The following DPH7 variants were observed in gnomAD, a reference collection of about 807,000 sequenced individuals.
The protein encoded by DPH7 is diphthine methyltransferase.
DPH7 carries 44 observed loss-of-function variants against 41.7 expected under a neutral mutation model. The observed-to-expected ratio is 1.05, with a 90% CI of 0.83 to 1.36. The LOEUF is 1.36. Ranked by LOEUF, DPH7 falls within the 40% of genes most tolerant of loss-of-function variation. DPH7 has a pLI of 0.00. For missense variants in DPH7, 629 were observed against 577.5 expected (o/e 1.09, Z -0.91); for synonymous variants, 275 against 238.0 (o/e 1.16, Z -1.43).
chr9:137,562,085 C>T (rs56396341), intron 8 of DPH7, among the ~76,000 whole-genome samples: 8,803 of 152,180 alleles, frequency 0.058, 373 homozygotes, highest in Non-Finnish European at 0.08. Flanking sequence ...AGGATGGTCT[C>T]GATCTCCTGA....
intron 8 of DPH7, among the ~76,000 whole-genome samples, chr9:137,558,060 CG>C (rs979707430): frequency 2.8e-4 from 43 of 151,986 alleles, no homozygotes; most frequent in Middle Eastern, 6.9e-3. Flanking sequence ...TGCTTGAACC[CG>C]GAAGGTGGGA....
At position 137,576,154 on chromosome 9, in the gene DPH7, C is replaced by T. The variant is rs1460503658; in HGVS notation, c.301G>A (p.Val101Met). Residue 101 changes from valine to methionine, a missense_variant, in exon 3 of 9, where the codon GTG (valine) becomes ATG (methionine). Transcript: ENST00000277540. Reference protein sequence around the residue: ...ILDMKWCHIPVAGHALLGLAD... With the variant: ...ILDMKWCHIPMAGHALLGLAD... ...AAGCCCAAGAGGGCATGTCCAGCCA[C>T]CGGGATGTGACACCTGAGGAGAGGG... 6.2e-7 allele frequency: 1 copy of T among 1,613,814 alleles called. No homozygotes were observed. Among genetic ancestry groups the T allele is most frequent in the Admixed American group, 1.7e-5 (1 of 60,030 alleles).
At position 137,554,586 on chromosome 9, in the gene DPH7, T is replaced by C. The variant is rs553954587; in HGVS notation, c.*653A>G. Among the ~76,000 whole-genome samples the C allele has an allele frequency of 3.3e-5, 5 of 152,106 alleles. No homozygotes were observed. Among genetic ancestry groups the C allele is most frequent in the Admixed American group, 3.3e-4 (5 of 15,260 alleles). ...CCAAGTGGCTGGGACCATAGGCACA[T>C]GCACCACACCTGGCTAATTTTTGTT... On this transcript the variant is annotated 3_prime_UTR_variant, in exon 9 of 9. Transcript: ENST00000277540.
In DPH7 at chr9:137,564,455, G is replaced by C. The variant is rs757908294; in HGVS notation, c.928C>G (p.Leu310Val). 1 of 1,613,698 alleles carries C rather than the reference G, an allele frequency of 6.2e-7. No individual in the cohort carries two copies. The highest frequency in any genetic ancestry group is 2.2e-5 in the East Asian group (1 of 44,870). The change falls in exon 8 of 9, where the codon CTC (leucine) becomes GTC (valine). Residue 310 changes from leucine to valine, a missense_variant. By Grantham distance (32) the Leu-to-Val change is conservative. Coordinates refer to ENST00000277540, the MANE Select transcript of DPH7 (RefSeq NM_138778.5). ...TCACCCATTGCCTTTTGGCAGTTGA[G>C]GATCTTAAAGCCACTGTGCATGCAG... is the stretch of plus-strand genomic sequence containing the variant. Reference protein sequence around the residue: ...AACMHSGFKILNCQKAMEERQ... With the variant: ...AACMHSGFKIVNCQKAMEERQ...
Position 137,555,357 on chromosome 9 carries a change from G to A in DPH7, c.1241C>T (p.Ala414Val). 1 of 1,614,206 alleles carries A rather than the reference G, an allele frequency of 6.2e-7. No individual in the cohort carries two copies. ...RKNGTWLQATAATTRDCGVNP... is the reference protein window; with the variant it reads ...RKNGTWLQATVATTRDCGVNP... ...CACGCCACAGTCACGTGTGGTGGCT[G>A]CTGTAGCCTGCAGCCAGGTGCCATT... The change falls in exon 9 of 9, where the codon GCA becomes GTA. Residue 414 changes from alanine to valine, a missense_variant. Ala to Val is a moderately conservative substitution (Grantham distance 64). Transcript: ENST00000277540.
In DPH7 at chr9:137,578,688, C is replaced by T. The variant is rs369710922; in HGVS notation, c.90G>A (p.Leu30=). Residue 30 remains leucine (L), a synonymous_variant, in exon 1 of 9, where the codon CTG becomes CTA. Transcript: ENST00000277540. ...GCAGCTGGTAGGTCCCGCACGCCAGCAGGTGCCTGCAGCCTTGCAGCGGGC... is the reference window on the plus strand; with the variant it reads ...GCAGCTGGTAGGTCCCGCACGCCAGTAGGTGCCTGCAGCCTTGCAGCGGGC... The part of the protein sequence containing the change: ...EWCPLQGCRH[L]LACGTYQLRR... The T allele has an allele frequency of 1.2e-4, 183 of 1,529,434 alleles. No individual in the cohort carries two copies. The African/African-American group carries it at 2.2e-3, about 19-fold the overall frequency. The allele number at this position is 1,529,434 out of a possible 1,614,324, so 94.7% of individuals were successfully genotyped here. A position where few individuals can be genotyped will look rare whatever the true frequency, so the allele number is the denominator to read the frequency against.
chr9:137,561,736 C>T (rs374067694), intron 8 of DPH7, among the ~76,000 whole-genome samples: 1 of 152,150 alleles, frequency 6.6e-6, no homozygotes, highest in East Asian at 1.9e-4. Flanking sequence ...AAAGGGTCAG[C>T]ACATCTGGAA....
At position 137,574,382 on chromosome 9, in the gene DPH7, T is replaced by C. The variant is rs1283325393; in HGVS notation, c.468-2A>G. 2 of 1,612,646 alleles carry C rather than the reference T, an allele frequency of 1.2e-6. No homozygotes were observed. Among genetic ancestry groups the C allele is most frequent in the East Asian group, 2.2e-5 (1 of 44,880 alleles). ...ATCTTCAAGGGCTGGTCCCCGGCCC[T>C]AGACACAGGGAACCCATGAAGAAGC... On this transcript the variant is annotated splice_acceptor_variant, in intron 4 of 8. Coordinates refer to ENST00000277540, the MANE Select transcript of DPH7 (RefSeq NM_138778.5). LOFTEE classifies it high-confidence loss of function.
intron 2 of DPH7, chr9:137,576,473 C>T (rs1051651897): frequency 1.2e-5 from 4 of 324,388 alleles, no homozygotes; most frequent in African/African-American, 8.3e-5. Flanking sequence ...CATGGTGGCT[C>T]ACACTTGTAA....
intron 5 of DPH7, 67 bp downstream of exon 5, chr9:137,574,140 TC>T (rs1840968446): frequency 1.3e-6 from 2 of 1,507,868 alleles, no homozygotes; most frequent in East Asian, 2.3e-5. Flanking sequence ...GGCACAGGCC[TC>T]CCTCTCTCCC....
intron 8 of DPH7, among the ~76,000 whole-genome samples, 192 bp downstream of exon 8, chr9:137,564,242 G>C (rs1187537337): frequency 6.6e-6 from 1 of 152,240 alleles, no homozygotes; most frequent in African/African-American, 2.4e-5. Context: ...TGGTTAGAGA[G>C]CAGAGATTCT....
Position 137,555,593 on chromosome 9 carries a change from C to A in DPH7, c.1005G>T (p.Val335=), listed in dbSNP as rs1439939653. 1.2e-6 allele frequency: 2 copies of A among 1,613,030 alleles called. No homozygotes were observed. The highest frequency in any genetic ancestry group is 8.5e-7 in the Non-Finnish European group (1 of 1,179,444). The change falls in exon 9 of 9, where the codon GTG becomes GTT. Residue 335 remains valine (V), a synonymous_variant. Coordinates refer to ENST00000277540, the MANE Select transcript of DPH7 (RefSeq NM_138778.5). ...GCAGCCAGGACCAGTCGGCTCCATA[C>A]ACCAGCGAGTCGGGCAATGTGTGAG... ...LTSHTLPDSL[V]YGADWSWLLF... is the part of the protein sequence containing the mutation.
intron 1 of DPH7, chr9:137,578,408 C>A (rs978148384): frequency 6.5e-6 from 3 of 460,838 alleles, no homozygotes; most frequent in Non-Finnish European, 1.1e-5. Context: ...CCTCGTGATC[C>A]GTCCGCCTCG....
intron 8 of DPH7, among the ~76,000 whole-genome samples, chr9:137,558,787 C>G (rs139777139): frequency 5.9e-5 from 9 of 152,026 alleles, no homozygotes; most frequent in Non-Finnish European, 1.2e-4. Flanking sequence ...CAGGCTGGAG[C>G]GCAGTGGCGT....
In DPH7 at chr9:137,574,307, T is replaced by A; in HGVS notation, c.541A>T (p.Thr181Ser). ...GCCACTTTCTGCAGCCTGGGCCTCG[T>A]CTCATTCACCATCAGGAGGTGGAGC... Reference protein sequence around the residue: ...GQLHLLMVNETRPRLQKVASW... With the variant: ...GQLHLLMVNESRPRLQKVASW... The change falls in exon 5 of 9, where the codon ACG becomes TCG. Residue 181 changes from threonine to serine, a missense_variant. Physicochemically the swap from Thr to Ser is moderately conservative, Grantham distance 58. Transcript: ENST00000277540. 1 of 1,614,184 alleles carries A rather than the reference T, an allele frequency of 6.2e-7. No homozygotes were observed. Among genetic ancestry groups the A allele is most frequent in the African/African-American group, 1.3e-5 (1 of 75,046 alleles).
At chr9:137,563,913 AC>A (rs1305446311) in intron 8 of DPH7, among the ~76,000 whole-genome samples, 1 of 152,212 alleles carries the variant, frequency 6.6e-6, no homozygotes, top group African/African-American at 2.4e-5. Context: ...ACCTACTAGA[AC>A]ACAACGTGGA....
At position 137,555,229 on chromosome 9, in the gene DPH7, G is replaced by C. The variant is rs1226940632; in HGVS notation, c.*10C>G. On this transcript the variant is annotated 3_prime_UTR_variant, in exon 9 of 9. Coordinates refer to ENST00000277540, the MANE Select transcript of DPH7 (RefSeq NM_138778.5). ...GTTTCCTTGTGGGAAGGGGCTTCATGATTTCAAGCTCAGTTCCCCTCCCAC... is the reference window on the plus strand; with the variant it reads ...GTTTCCTTGTGGGAAGGGGCTTCATCATTTCAAGCTCAGTTCCCCTCCCAC... 1 of 1,575,596 alleles carries C rather than the reference G, an allele frequency of 6.3e-7. No individual in the cohort carries two copies. The highest frequency in any genetic ancestry group is 1.8e-5 in the Admixed American group (1 of 56,074).
At chr9:137,574,933 C>A in intron 3 of DPH7, 90 bp from the exon 4 acceptor site, 1 of 1,579,678 alleles carries the variant, frequency 6.3e-7, no homozygotes, top group Non-Finnish European at 8.6e-7. Flanking sequence ...AGTCATCGTT[C>A]CCTCATTTAC....
chr9:137,572,896 G>C (rs899280800), intron 5 of DPH7, among the ~76,000 whole-genome samples: 1 of 152,200 alleles, frequency 6.6e-6, no homozygotes, highest in Admixed American at 6.5e-5. Flanking sequence ...GTATCCACAG[G>C]TATCAGGCAA....
Sources: gnomAD v4.1 joint callset for allele counts (sites outside exome capture counted in the v4.1 genomes callset) on GRCh38, gnomAD v4.1.1 for gene constraint, MANE v1.5 for transcripts, NCBI Gene and HGNC (gene_info 2026-07-23, HGNC 2026-07-21) for gene names.